TUBGCP4: variants seen among roughly 807,000 people sequenced by gnomAD.
TUBGCP4 encodes tubulin gamma complex component 4.
Under a neutral mutation model 91.6 loss-of-function variants are expected in TUBGCP4, and 54 were observed. That is an observed-to-expected ratio of 0.59 (90% CI 0.47 to 0.74). TUBGCP4 has a LOEUF of 0.74. TUBGCP4 is among the 30% of genes least tolerant of loss of function. The pLI is 0.00. For missense variants in TUBGCP4, 593 were observed against 800.9 expected, an observed-to-expected ratio of 0.74 and a Z score of 3.13; for synonymous variants, 297 against 302.8, an observed-to-expected ratio of 0.98 and a Z score of 0.20.
At chr15:43,403,566 G>C (rs2044748914) in intron 15 of TUBGCP4, 117 bp from the exon 16 acceptor site, 2 of 768,242 alleles carry the variant, frequency 2.6e-6, no homozygotes, top group Non-Finnish European at 4.4e-6. Context: ...TATCCTGTCA[G>C]ATTTGGGAGG....
chr15:43,401,486 G>GCAGGGGAGAGTGGT (rs1177185361), intron 14 of TUBGCP4, among the ~76,000 whole-genome samples: 1 of 151,986 alleles, frequency 6.6e-6, no homozygotes, highest in Admixed American at 6.6e-5. Flanking sequence ...AAAGGATGGG[G>GCAGGGGAGAGTGGT]CAGGGGAGAG....
At chr15:43,381,718 T>TGAGACGC (rs1322588371) in intron 6 of TUBGCP4, among the ~76,000 whole-genome samples, 1 of 152,204 alleles carries the variant, frequency 6.6e-6, no homozygotes, top group African/African-American at 2.4e-5. Flanking sequence ...GATGACAGAA[T>TGAGACGC]GAGACCCTGT....
chr15:43,396,936 C>T (rs943225600), intron 11 of TUBGCP4, among the ~76,000 whole-genome samples: 1 of 152,152 alleles, frequency 6.6e-6, no homozygotes, highest in Non-Finnish European at 1.5e-5. Flanking sequence ...TTTGATCATG[C>T]CTACATCACC....
At position 43,409,192 on chromosome 15, in the gene TUBGCP4, CT is replaced by C; in HGVS notation, c.*3979del. The C allele has an allele frequency of 9.1e-7, 1 of 1,093,736 alleles. No homozygotes were observed. Among genetic ancestry groups the C allele is most frequent in the Non-Finnish European group, 1.4e-6 (1 of 736,138 alleles). 67.8% of individuals were successfully genotyped at this position (1,093,736 alleles called of 1,614,324 possible). A position where few individuals can be genotyped will look rare whatever the true frequency, so the allele number is the denominator to read the frequency against. ...GAGCCATGAAGAGCAGATCTGAAGACTCCCAACTACTACCCAAAATGTGATT... is the reference window on the plus strand; with the variant it reads ...GAGCCATGAAGAGCAGATCTGAAGACCCCAACTACTACCCAAAATGTGATT... On this transcript the variant is annotated 3_prime_UTR_variant, in exon 18 of 18. Coordinates refer to ENST00000564079, the MANE Select transcript of TUBGCP4 (RefSeq NM_014444.5).
chr15:43,408,209 G>A lies in TUBGCP4; in HGVS notation c.*2995G>A, dbSNP rs1417869375. 9.7e-7 allele frequency: 1 copy of A among 1,033,076 alleles called. No homozygotes were observed. The highest frequency in any genetic ancestry group is 1.6e-5 in the South Asian group (1 of 61,228). The allele number at this position is 1,033,076 out of a possible 1,614,324, so 64.0% of individuals were successfully genotyped here. On this transcript the variant is annotated 3_prime_UTR_variant, in exon 18 of 18. Transcript: ENST00000564079. Reference sequence around the variant, plus strand: ...AAATAAATGCCCCATCAGACATAGTGTCTCAAGCCTGTAATCCCAGCACTT... The same window carrying A: ...AAATAAATGCCCCATCAGACATAGTATCTCAAGCCTGTAATCCCAGCACTT...
chr15:43,379,161 C>T (rs1026662340), intron 5 of TUBGCP4, among the ~76,000 whole-genome samples: 1 of 152,288 alleles, frequency 6.6e-6, no homozygotes, highest in Non-Finnish European at 1.5e-5. Context: ...GGTCAAAATT[C>T]TAGGTTTGGG....
At chr15:43,393,598 C>G (rs1365148221) in intron 9 of TUBGCP4, among the ~76,000 whole-genome samples, 2 of 151,810 alleles carry the variant, frequency 1.3e-5, no homozygotes, top group Non-Finnish European at 2.9e-5. Context: ...CCTCCCCGGT[C>G]CCCCCACCCT....
Position 43,407,773 on chromosome 15 carries a change from G to A in TUBGCP4, c.*2559G>A, listed in dbSNP as rs757375179. ...TTGTAGAAATATTTAACAAATATAC[G>A]TCCAGTGCTTCACTTATGTTGACTC... is the stretch of plus-strand genomic sequence containing the variant. On this transcript the variant is annotated 3_prime_UTR_variant, in exon 18 of 18. Coordinates refer to ENST00000564079, the MANE Select transcript of TUBGCP4 (RefSeq NM_014444.5). 47 of 784,880 alleles carry A rather than the reference G, an allele frequency of 6.0e-5. No homozygotes were observed. The highest frequency in any genetic ancestry group is 8.4e-5 in the Admixed American group (3 of 35,928). The allele number at this position is 784,880 out of a possible 1,614,324, so 48.6% of individuals were successfully genotyped here.
In TUBGCP4 at chr15:43,409,163, T is replaced by A; in HGVS notation, c.*3949T>A. Reference sequence around the variant, plus strand: ...GTGGAAAGCTCCTAAGCAGCAGCCATAATGAGCCATGAAGAGCAGATCTGA... The same window carrying A: ...GTGGAAAGCTCCTAAGCAGCAGCCAAAATGAGCCATGAAGAGCAGATCTGA... On this transcript the variant is annotated 3_prime_UTR_variant, in exon 18 of 18. Transcript: ENST00000564079. 1 of 1,469,826 alleles carries A rather than the reference T, an allele frequency of 6.8e-7. No individual in the cohort carries two copies. Among genetic ancestry groups the A allele is most frequent in the Non-Finnish European group, 9.5e-7 (1 of 1,056,326 alleles). 91.0% of individuals were successfully genotyped at this position (1,469,826 alleles called of 1,614,324 possible).
intron 10 of TUBGCP4, chr15:43,395,365 A>G (rs1566899028): frequency 6.2e-5 from 41 of 661,360 alleles, no homozygotes; most frequent in East Asian, 5.3e-4. Flanking sequence ...GCATATATAT[A>G]TAATTATGTT....
At position 43,409,100 on chromosome 15, in the gene TUBGCP4, C is replaced by T; in HGVS notation, c.*3886C>T. On this transcript the variant is annotated 3_prime_UTR_variant, in exon 18 of 18. Coordinates refer to ENST00000564079, the MANE Select transcript of TUBGCP4 (RefSeq NM_014444.5). ...GACACTGGTAAGCTGTGTTACACTG[C>T]AAGAAAAGAAGCAGAGCCAATGGGT... The T allele has an allele frequency of 6.2e-7, 1 of 1,614,018 alleles. No individual in the cohort carries two copies. Among genetic ancestry groups the T allele is most frequent in the Non-Finnish European group, 8.5e-7 (1 of 1,179,940 alleles).
At chr15:43,404,658 T>C (rs1008570297) in intron 17 of TUBGCP4, 106 bp downstream of exon 17, 1 of 1,233,280 alleles carries the variant, frequency 8.1e-7, no homozygotes, top group African/African-American at 1.5e-5. Flanking sequence ...ACCCTCATTT[T>C]ATAAGTAAGG....
Position 43,409,124 on chromosome 15 carries a change from G to A in TUBGCP4, c.*3910G>A, listed in dbSNP as rs1466782046. On this transcript the variant is annotated 3_prime_UTR_variant, in exon 18 of 18. Coordinates refer to ENST00000564079, the MANE Select transcript of TUBGCP4 (RefSeq NM_014444.5). ...GCAAGAAAAGAAGCAGAGCCAATGG[G>A]TTTGGTGACTTCTGTGGAAAGCTCC... 2 of 1,608,462 alleles carry A rather than the reference G, an allele frequency of 1.2e-6. No individual in the cohort carries two copies. The highest frequency in any genetic ancestry group is 1.3e-5 in the African/African-American group (1 of 74,796).
intron 1 of TUBGCP4, among the ~76,000 whole-genome samples, chr15:43,373,603 CAG>C (rs2044156274): frequency 6.6e-6 from 1 of 151,222 alleles, no homozygotes; most frequent in Admixed American, 6.6e-5. Flanking sequence ...AGAGGCAACT[CAG>C]GGATTCAAAC....
At chr15:43,403,184 A>G (rs1062931) in intron 15 of TUBGCP4, 1 of 152,386 alleles carries the variant, frequency 6.6e-6, no homozygotes, top group Non-Finnish European at 1.5e-5. Flanking sequence ...AGACATATAT[A>G]TATATATACA....
intron 9 of TUBGCP4, among the ~76,000 whole-genome samples, chr15:43,393,445 T>C (rs2044516206): frequency 1.3e-5 from 2 of 151,926 alleles, no homozygotes; most frequent in South Asian, 4.2e-4. Flanking sequence ...TCTTTTTTTT[T>C]TAATTTTATT....
Position 43,401,770 on chromosome 15 carries a change from C to T in TUBGCP4, c.1651C>T (p.Arg551Ter), listed in dbSNP as rs751545508. 7 of 1,613,952 alleles carry T rather than the reference C, an allele frequency of 4.3e-6. No individual in the cohort carries two copies. Among genetic ancestry groups the T allele is most frequent in the East Asian group, 2.2e-5 (1 of 44,896 alleles). Residue 551 changes from arginine to a stop codon, truncating the protein, a stop_gained, in exon 15 of 18, where the codon CGA becomes TGA. Transcript: ENST00000564079. LOFTEE classifies it high-confidence loss of function. ...GCTGCTTCATCAGATCAATTCTACCCGAGACTTTGAAAGCATCCGATTGGC... is the reference window on the plus strand; with the variant it reads ...GCTGCTTCATCAGATCAATTCTACCTGAGACTTTGAAAGCATCCGATTGGC... ...SQLLHQINST[R>*]DFESIRLAHD...
At position 43,409,540 on chromosome 15, in the gene TUBGCP4, C is replaced by G. The variant is rs1566912637; in HGVS notation, c.*4326C>G. The G allele has an allele frequency of 3.5e-6, 2 of 569,042 alleles. No homozygotes were observed. The highest frequency in any genetic ancestry group is 6.0e-6 in the Non-Finnish European group (2 of 333,656). 35.2% of individuals were successfully genotyped at this position (569,042 alleles called of 1,614,324 possible). On this transcript the variant is annotated 3_prime_UTR_variant, in exon 18 of 18. Transcript: ENST00000564079. ...GGCAGTTTCTCAGTTCCTGAAATCT[C>G]TGGCTACTTTATCCAGGTTCCCCAA... is the stretch of plus-strand genomic sequence containing the variant.
At chr15:43,387,375 G>A (rs959244338) in intron 9 of TUBGCP4, among the ~76,000 whole-genome samples, 5 of 152,222 alleles carry the variant, frequency 3.3e-5, no homozygotes, top group African/African-American at 7.2e-5. Flanking sequence ...GTGATAACAC[G>A]AAATGAGACA....
Sources: allele counts gnomAD v4.1 joint callset (sites outside exome capture counted in the v4.1 genomes callset), GRCh38; gene constraint gnomAD v4.1.1; transcripts MANE v1.5; gene names NCBI Gene and HGNC (gene_info 2026-07-23, HGNC 2026-07-21).